The following IFT74 variants were observed in gnomAD, a reference collection of about 807,000 sequenced individuals.
The protein encoded by IFT74 is intraflagellar transport 74.
In IFT74, 92 loss-of-function variants were observed where a neutral mutation model predicts 96.7. The observed-to-expected ratio is 0.95, with a 90% CI of 0.80 to 1.13. IFT74 has a LOEUF of 1.13. Among genes scored for constraint, IFT74 ranks in the 50% most tolerant of loss-of-function variants. The pLI is 0.00. For missense variants in IFT74, 811 were observed against 698.2 expected (o/e 1.16, Z -1.82); for synonymous variants, 223 against 213.2 (o/e 1.05, Z -0.40).
At chr9:26,984,140 T>A (rs1311408747) in intron 4 of IFT74, 117 bp from the exon 5 acceptor site, 11 of 807,428 alleles carry the variant, frequency 1.4e-5, no homozygotes, top group Non-Finnish European at 1.6e-5. Context: ...ATTCTTTTAG[T>A]GAATTTCACA....
intron 2 of IFT74, among the ~76,000 whole-genome samples, chr9:26,962,759 A>G (rs1377591023): frequency 6.6e-6 from 1 of 152,138 alleles, no homozygotes; most frequent in Non-Finnish European, 1.5e-5. Flanking sequence ...CTTTCTAAAC[A>G]TGACAGAAAT....
At chr9:27,028,877 C>T (rs887799012) in intron 12 of IFT74, 148 bp from the exon 13 acceptor site, 24 of 618,390 alleles carry the variant, frequency 3.9e-5, no homozygotes, top group Non-Finnish European at 6.2e-5. Flanking sequence ...CTAATGTCAT[C>T]GTCAGTTATA....
At chr9:27,011,506 C>G (rs1224852474) in intron 9 of IFT74, among the ~76,000 whole-genome samples, 1 of 151,940 alleles carries the variant, frequency 6.6e-6, no homozygotes, top group Non-Finnish European at 1.5e-5. Flanking sequence ...TGTGAAAACA[C>G]GGTTACAAAT....
chr9:26,955,883 C>A (rs1441338616), upstream of IFT74: 1 of 150,922 alleles, frequency 6.6e-6, no homozygotes, highest in Non-Finnish European at 1.5e-5. Flanking sequence ...TCACAGTCTT[C>A]CCCACAAACT....
At chr9:26,981,899 C>A (rs1010426458) in intron 4 of IFT74, among the ~76,000 whole-genome samples, 14 of 151,424 alleles carry the variant, frequency 9.2e-5, no homozygotes, top group African/African-American at 2.7e-4. Flanking sequence ...TCGTGAGTAG[C>A]TGGGACTGCA....
chr9:27,011,346 GATCTT>G (rs964170577), intron 9 of IFT74, among the ~76,000 whole-genome samples: 2 of 149,100 alleles, frequency 1.3e-5, no homozygotes, highest in African/African-American at 4.9e-5. Context: ...ACAGTTTAAG[GATCTT>G]ATCTTAGGAG....
chr9:26,974,296 G>A (rs1827005369), intron 2 of IFT74, among the ~76,000 whole-genome samples: 1 of 152,130 alleles, frequency 6.6e-6, no homozygotes, highest in Admixed American at 6.6e-5. Context: ...AGTTTACTTA[G>A]CGGTCGGTCT....
At chr9:27,041,283 C>T (rs903864300) in intron 13 of IFT74, among the ~76,000 whole-genome samples, 6 of 152,138 alleles carry the variant, frequency 3.9e-5, no homozygotes, top group African/African-American at 1.4e-4. Context: ...TCTTTTCACG[C>T]ATCTGGTTAC....
chr9:26,983,318 C>G lies in IFT74; in HGVS notation c.306-939C>G, dbSNP rs1369330680. Among the ~76,000 whole-genome samples the G allele has an allele frequency of 2.0e-5, 3 of 152,170 alleles. No individual in the cohort carries two copies. In the East Asian group the frequency reaches 5.8e-4, roughly 29 times the overall value. On this transcript the variant is annotated intron_variant, in intron 4 of 19. Transcript: ENST00000380062. ...TTCCTAATGATTGCATTGCCTTTCT[C>G]CCCCAGGATTTGTGCTTCCACATCA...
chr9:27,055,557 G>A, intron 16 of IFT74, 52 bp from the exon 17 acceptor site: 1 of 1,234,620 alleles, frequency 8.1e-7, no homozygotes, highest in Middle Eastern at 2.4e-4. Context: ...ATTTCCTTAT[G>A]TGAAAGGAAT....
intron 5 of IFT74, 52 bp from the exon 6 acceptor site, chr9:26,984,447 T>C (rs1827543175): frequency 1.3e-5 from 21 of 1,585,868 alleles, no homozygotes; most frequent in Non-Finnish European, 1.8e-5. Context: ...TTCATTTTCT[T>C]ATGTATATTT....
upstream of IFT74, among the ~76,000 whole-genome samples, chr9:26,951,422 C>G (rs1319076833): frequency 6.6e-6 from 1 of 151,998 alleles, no homozygotes; most frequent in African/African-American, 2.4e-5. Flanking sequence ...CACATAGACT[C>G]TGGTGCCAAA....
At chr9:26,980,710 T>G in intron 4 of IFT74, 91 bp downstream of exon 4, 1 of 763,986 alleles carries the variant, frequency 1.3e-6, no homozygotes, top group Non-Finnish European at 2.1e-6. Flanking sequence ...AATATGAAGT[T>G]TTAGCTAGGC....
At chr9:26,953,184 A>T (rs1480427574), upstream of IFT74, among the ~76,000 whole-genome samples, 1 of 152,160 alleles carries the variant, frequency 6.6e-6, no homozygotes, top group Non-Finnish European at 1.5e-5. Flanking sequence ...CTCTCTGAGA[A>T]GGTTTTTTTC....
In IFT74 at chr9:27,066,048, G is replaced by A. The variant is rs371245802; in HGVS notation, c.*3312G>A. ...TGATCTCACCAGTCTTTTTAGATAC[G>A]CATCTATATTTATGTCACACATATC... On this transcript the variant is annotated 3_prime_UTR_variant, in exon 20 of 20. Coordinates refer to ENST00000380062, the MANE Select transcript of IFT74 (RefSeq NM_025103.4). Among the ~76,000 whole-genome samples, 1 of 151,874 alleles carries A rather than the reference G, an allele frequency of 6.6e-6. No homozygotes were observed. The highest frequency in any genetic ancestry group is 1.5e-5 in the Non-Finnish European group (1 of 67,962).
chr9:26,971,387 G>A (rs1358581831), intron 2 of IFT74, among the ~76,000 whole-genome samples: 1 of 152,072 alleles, frequency 6.6e-6, no homozygotes, highest in Non-Finnish European at 1.5e-5. Context: ...AAACCACATC[G>A]CACATAGCTT....
At chr9:26,960,074 T>C (rs2131474011) in intron 1 of IFT74, among the ~76,000 whole-genome samples, 1 of 152,340 alleles carries the variant, frequency 6.6e-6, no homozygotes, top group Non-Finnish European at 1.5e-5. Flanking sequence ...AAGGTATCAC[T>C]AGTGACTTCT....
intron 2 of IFT74, among the ~76,000 whole-genome samples, chr9:26,968,946 T>C (rs1026854651): frequency 1.2e-3 from 181 of 152,254 alleles, no homozygotes; most frequent in African/African-American, 4.1e-3. Flanking sequence ...ATTTCTAATA[T>C]GAATTTTGTG....
At chr9:26,996,501 T>C in intron 8 of IFT74, 5 of 1,423,850 alleles carry the variant, frequency 3.5e-6, no homozygotes, top group Non-Finnish European at 4.6e-6. Context: ...TCTCATTTTC[T>C]AGTAAATCAG....
Sources: gnomAD v4.1 joint callset for allele counts (sites outside exome capture counted in the v4.1 genomes callset) on GRCh38, gnomAD v4.1.1 for gene constraint, MANE v1.5 for transcripts, NCBI Gene and HGNC (gene_info 2026-07-23, HGNC 2026-07-21) for gene names.